The following SMOX variants were observed in gnomAD, a reference collection of about 807,000 sequenced individuals.
SMOX encodes the protein spermine oxidase, also known as flavin containing amine oxidase.
A neutral mutation model predicts 51.0 loss-of-function variants in SMOX; 22 were observed. That is an observed-to-expected ratio of 0.43 (90% CI 0.31 to 0.62). The LOEUF (loss-of-function observed/expected upper bound fraction) is 0.62. SMOX is among the 20% of genes least tolerant of loss of function. The pLI is 0.10. For missense variants in SMOX, 566 were observed against 777.7 expected (o/e 0.73, Z 3.24); for synonymous variants, 282 against 307.8 (o/e 0.92, Z 0.88).
At position 4,183,523 on chromosome 20, in the gene SMOX, A is replaced by C; in HGVS notation, c.1399A>C (p.Ile467Leu). The C allele has an allele frequency of 6.2e-7, 1 of 1,614,196 alleles. No homozygotes were observed. Among genetic ancestry groups the C allele is most frequent in the Non-Finnish European group, 8.5e-7 (1 of 1,180,030 alleles). Residue 467 changes from isoleucine (I) to leucine (L), a missense_variant, in exon 6 of 7, where the codon ATC (isoleucine) becomes CTC (leucine). By Grantham distance (5) the Ile-to-Leu change is conservative. This residue lies in a region of SMOX where 347 missense variants were observed against 481.8 expected (regional missense o/e 0.72). Coordinates refer to ENST00000305958, the MANE Select transcript of SMOX (RefSeq NM_175839.3). The surrounding 1 kb of genome is among the most constrained non-coding windows in gnomAD (Gnocchi z 4.3). ...CCCCAACATTCCAAAACCTCGGCGA[A>C]TCTTGCGCTCGGCCTGGGGCAGCAA... ...GNPNIPKPRR[I>L]LRSAWGSNPY...
chr20:4,186,978 A>G, intron 6 of SMOX: 1 of 608,650 alleles, frequency 1.6e-6, no homozygotes, highest in Non-Finnish European at 3.0e-6. Flanking sequence ...AGCAAGGCTT[A>G]GGGAGGTTAA....
chr20:4,171,713 T>C (rs1483994390), intron 1 of SMOX: 1 of 152,286 alleles, frequency 6.6e-6, no homozygotes, highest in Non-Finnish European at 1.5e-5. Flanking sequence ...GGGGGTTCTT[T>C]CTGTGCTGAT....
intron 1 of SMOX, among the ~76,000 whole-genome samples, chr20:4,151,123 C>G (rs567958510): frequency 6.6e-6 from 1 of 152,238 alleles, no homozygotes; most frequent in South Asian, 2.1e-4. Flanking sequence ...TGAACCACTG[C>G]GCCAGGCCCA....
chr20:4,186,889 C>A (rs375789187), intron 6 of SMOX: 8 of 766,842 alleles, frequency 1.0e-5, no homozygotes, highest in Non-Finnish European at 1.5e-5. Flanking sequence ...GTTCTAAGTG[C>A]TTTAGATACA....
chr20:4,158,848 C>T (rs1372897691), intron 1 of SMOX, among the ~76,000 whole-genome samples: 3 of 152,020 alleles, frequency 2.0e-5, no homozygotes, highest in South Asian at 2.1e-4. Flanking sequence ...CTGATCCTGG[C>T]GGGTGGTGGT....
At chr20:4,176,526 C>G (rs376307952) in intron 2 of SMOX, among the ~76,000 whole-genome samples, 1 of 152,120 alleles carries the variant, frequency 6.6e-6, no homozygotes, top group Non-Finnish European at 1.5e-5. Flanking sequence ...AAAAACAAAA[C>G]GAAACACCCC....
rs992193224 is a variant in SMOX, at chr20:4,172,988, A to T, written c.-26-2042A>T. Among the ~76,000 whole-genome samples, 3 of 152,206 alleles carry T rather than the reference A, an allele frequency of 2.0e-5. No individual in the cohort carries two copies. Among genetic ancestry groups the T allele is most frequent in the Non-Finnish European group, 4.4e-5 (3 of 68,032 alleles). On this transcript the variant is annotated intron_variant, in intron 1 of 6. Coordinates refer to ENST00000305958, the MANE Select transcript of SMOX (RefSeq NM_175839.3). This position sits in a 1 kb window ranked among gnomAD's most constrained non-coding sequence, Gnocchi z 7.7. ...GACGCTGCGGTTCCAAGTGGGATAG[A>T]AACCTCAGTGGTCAGACCCTGAAAT...
At chr20:4,163,657 G>A (rs1986434470) in intron 1 of SMOX, among the ~76,000 whole-genome samples, 1 of 152,240 alleles carries the variant, frequency 6.6e-6, no homozygotes, top group Admixed American at 6.5e-5. Context: ...CAGTCACAGT[G>A]TCAGCCAGCG....
intron 1 of SMOX, among the ~76,000 whole-genome samples, chr20:4,151,953 G>C (rs1186085335): frequency 6.6e-6 from 1 of 152,182 alleles, no homozygotes; most frequent in Non-Finnish European, 1.5e-5. Flanking sequence ...AGAGAGGTGG[G>C]TATTGCAGTG....
chr20:4,183,116 T>C lies in SMOX; in HGVS notation c.1369+268T>C. 6 of 588,156 alleles carry C rather than the reference T, an allele frequency of 1.0e-5. No homozygotes were observed. The highest frequency in any genetic ancestry group is 1.5e-5 in the Non-Finnish European group (5 of 335,380). The allele number at this position is 588,156 out of a possible 1,614,324, so 36.4% of individuals were successfully genotyped here. A position where few individuals can be genotyped will look rare whatever the true frequency, so the allele number is the denominator to read the frequency against. Reference sequence around the variant, plus strand: ...AAAACACTCAGAGATCACCGCCCATTGTGCTCTGTTGCTAAGAGCTGGATT... The same window carrying C: ...AAAACACTCAGAGATCACCGCCCATCGTGCTCTGTTGCTAAGAGCTGGATT... On this transcript the variant is annotated intron_variant, in intron 5 of 6. Coordinates refer to ENST00000305958, the MANE Select transcript of SMOX (RefSeq NM_175839.3). The surrounding 1 kb of genome is among the most constrained non-coding windows in gnomAD (Gnocchi z 4.3).
chr20:4,160,693 G>C (rs948195277), intron 1 of SMOX, among the ~76,000 whole-genome samples: 1 of 152,182 alleles, frequency 6.6e-6, no homozygotes. Flanking sequence ...TGCCACCTTG[G>C]CTCTATGATA....
At position 4,183,710 on chromosome 20, in the gene SMOX, T is replaced by C; in HGVS notation, c.1530+56T>C. On this transcript the variant is annotated intron_variant, in intron 6 of 6. Coordinates refer to ENST00000305958, the MANE Select transcript of SMOX (RefSeq NM_175839.3). The surrounding 1 kb of genome is among the most constrained non-coding windows in gnomAD (Gnocchi z 4.3). ...GTTGTGGGTGTATTTTGTATGTGTG[T>C]CCGGTCCAGGGTGAGGAGGGCTAGG... The C allele has an allele frequency of 6.6e-7, 1 of 1,519,324 alleles. No homozygotes were observed. Among genetic ancestry groups the C allele is most frequent in the Non-Finnish European group, 8.8e-7 (1 of 1,140,368 alleles). 94.1% of individuals were successfully genotyped at this position (1,519,324 alleles called of 1,614,324 possible).
intron 1 of SMOX, among the ~76,000 whole-genome samples, chr20:4,150,041 C>T (rs900048099): frequency 6.6e-6 from 1 of 152,202 alleles, no homozygotes; most frequent in Non-Finnish European, 1.5e-5. Context: ...CTCCAAGGTC[C>T]TCTCCCTGTC....
At chr20:4,168,114 G>C (rs57191924) in intron 1 of SMOX, among the ~76,000 whole-genome samples, 44,048 of 146,074 alleles carry the variant, frequency 0.3, 8,392 homozygotes, top group Non-Finnish European at 0.43. Context: ...GAGAAAGAGC[G>C]GGGTAGGGGT....
chr20:4,167,625 C>G lies in SMOX; in HGVS notation c.-26-7405C>G, dbSNP rs1986621930. Among the ~76,000 whole-genome samples the G allele has an allele frequency of 6.6e-6, 1 of 152,026 alleles. No individual in the cohort carries two copies. The highest frequency in any genetic ancestry group is 1.5e-5 in the Non-Finnish European group (1 of 68,008). On this transcript the variant is annotated intron_variant, in intron 1 of 6. Transcript: ENST00000305958. The surrounding 1 kb of genome is among the most constrained non-coding windows in gnomAD (Gnocchi z 4.8). ...GGCCTGGAGAAGGGAAGACACTGGC[C>G]CAGGGGTCACCTGGCAAGGTAGAGA...
chr20:4,155,420 G>GC (rs1568729566), intron 1 of SMOX, among the ~76,000 whole-genome samples: 2 of 151,888 alleles, frequency 1.3e-5, no homozygotes, highest in African/African-American at 4.8e-5. Context: ...GGGAGTGGGG[G>GC]GGGCCTGGAT....
intron 6 of SMOX, among the ~76,000 whole-genome samples, chr20:4,185,915 A>G (rs1204740844): frequency 6.8e-6 from 1 of 146,506 alleles, no homozygotes; most frequent in Non-Finnish European, 1.5e-5. Flanking sequence ...AAAAAACAAC[A>G]ACCCCTGGCG....
At chr20:4,154,386 CTTTTT>C (rs57727682) in intron 1 of SMOX, among the ~76,000 whole-genome samples, 5 of 149,956 alleles carry the variant, frequency 3.3e-5, no homozygotes, top group Admixed American at 2.6e-4. Flanking sequence ...TTCTTTCTTT[CTTTTT>C]TTGAGACGGA....
intron 1 of SMOX, among the ~76,000 whole-genome samples, chr20:4,158,124 TCTC>T (rs1986122246): frequency 6.6e-6 from 1 of 150,598 alleles, no homozygotes; most frequent in Non-Finnish European, 1.5e-5. Flanking sequence ...ATGGTCTCGA[TCTC>T]CTGACCTCGT....
Sources: allele counts gnomAD v4.1 joint callset (sites outside exome capture counted in the v4.1 genomes callset), GRCh38; gene constraint gnomAD v4.1.1; regional missense constraint gnomAD v4.1.1; non-coding constraint Gnocchi (gnomAD v3.1); transcripts MANE v1.5; gene names NCBI Gene and HGNC (gene_info 2026-07-23, HGNC 2026-07-21).